Variants in FUT8 observed in about 807,000 individuals in gnomAD.
FUT8 encodes fucosyltransferase 8.
Under a neutral mutation model 71.3 loss-of-function variants are expected in FUT8, and 29 were observed. The observed-to-expected ratio is 0.41, with a 90% CI of 0.30 to 0.55. The LOEUF (loss-of-function observed/expected upper bound fraction) is 0.55. Among genes scored for constraint, FUT8 ranks in the 20% least tolerant of loss-of-function variants. The pLI is 0.34. For missense variants in FUT8, 544 were observed against 702.1 expected, an observed-to-expected ratio of 0.77 and a Z score of 2.55; for synonymous variants, 254 against 239.3, an observed-to-expected ratio of 1.06 and a Z score of -0.57.
In FUT8 at chr14:65,691,404, T is replaced by G. The variant is rs1430458043; in HGVS notation, c.835+21924T>G. 2.0e-5 allele frequency among the ~76,000 whole-genome samples: 3 copies of G among 151,140 alleles called. 1 individual carries two copies. The highest frequency in any genetic ancestry group is 7.4e-5 in the African/African-American group (3 of 40,424). ...CTAGCTGTAGGCTGTTTGTAGATGT[T>G]CTTTCTTGCTGAGAGTTTTTAATCA... is the stretch of plus-strand genomic sequence containing the variant. On this transcript the variant is annotated intron_variant, in intron 7 of 10. Transcript: ENST00000673929.
intron 7 of FUT8, among the ~76,000 whole-genome samples, chr14:65,678,075 T>G (rs1481375626): frequency 6.6e-6 from 1 of 152,224 alleles, no homozygotes; most frequent in Non-Finnish European, 1.5e-5. Flanking sequence ...TTATGAGCAT[T>G]CAGAGTGATA....
chr14:65,622,877 A>G (rs766694537), intron 5 of FUT8, among the ~76,000 whole-genome samples: 5 of 148,688 alleles, frequency 3.4e-5, no homozygotes, highest in Non-Finnish European at 5.9e-5. Flanking sequence ...CCTGGATTCC[A>G]TCTCTGTGCT....
At chr14:65,516,447 G>A (rs1882713052) in intron 2 of FUT8, 1 of 152,124 alleles carries the variant, frequency 6.6e-6, no homozygotes, top group African/African-American at 2.4e-5. Flanking sequence ...CCATCTTTAA[G>A]TGTTTGTGTT....
intron 1 of FUT8, among the ~76,000 whole-genome samples, chr14:65,442,245 G>A (rs1015673030): frequency 3.3e-5 from 5 of 150,682 alleles, no homozygotes; most frequent in Non-Finnish European, 1.5e-5. Context: ...GCGCGATCTC[G>A]GCTCACTGCA....
At chr14:65,469,190 A>AT (rs1276510607) in intron 2 of FUT8, among the ~76,000 whole-genome samples, 2 of 151,730 alleles carry the variant, frequency 1.3e-5, no homozygotes, top group Non-Finnish European at 2.9e-5. Flanking sequence ...ACATATATAT[A>AT]AAAAAAAATT....
chr14:65,693,590 G>C (rs577343981), intron 7 of FUT8, among the ~76,000 whole-genome samples: 1 of 152,340 alleles, frequency 6.6e-6, no homozygotes, highest in African/African-American at 2.4e-5. Flanking sequence ...TGTTAGGTTT[G>C]ATTTGCTAAT....
intron 9 of FUT8, among the ~76,000 whole-genome samples, chr14:65,730,371 C>G (rs1241303721): frequency 6.6e-6 from 1 of 152,128 alleles, no homozygotes; most frequent in African/African-American, 2.4e-5. Flanking sequence ...CTTCAGATTT[C>G]TGCATGTTAA....
At position 65,638,777 on chromosome 14, in the gene FUT8, T is replaced by G. The variant is rs987251431; in HGVS notation, c.597+9171T>G. ...TATTTATGTGCTTGTATACTGACTCTGAGATCAAATTAATCATCACATATT... is the reference window on the plus strand; with the variant it reads ...TATTTATGTGCTTGTATACTGACTCGGAGATCAAATTAATCATCACATATT... On this transcript the variant is annotated intron_variant, in intron 6 of 10. Coordinates refer to ENST00000673929, the MANE Select transcript of FUT8 (RefSeq NM_001371533.1). This position sits in a 1 kb window ranked among gnomAD's most constrained non-coding sequence, Gnocchi z 4.5. Among the ~76,000 whole-genome samples the G allele has an allele frequency of 6.6e-6, 1 of 152,218 alleles. No individual in the cohort carries two copies. The highest frequency in any genetic ancestry group is 1.5e-5 in the Non-Finnish European group (1 of 68,040).
At chr14:65,360,154 G>A in the FUT8 span, among the ~76,000 whole-genome samples, 89 of 152,200 alleles carry the variant, frequency 5.8e-4, no homozygotes, top group African/African-American at 2.0e-3. Flanking sequence ...TTTACCTTAT[G>A]TTGTGGGACT....
chr14:65,486,572 A>G (rs1460489056), intron 2 of FUT8, among the ~76,000 whole-genome samples: 1 of 152,232 alleles, frequency 6.6e-6, no homozygotes, highest in Non-Finnish European at 1.5e-5. Context: ...ACCTAACAAG[A>G]TAGAGGGGGC....
chr14:65,721,793 A>G lies in FUT8; in HGVS notation c.854A>G (p.Asn285Ser). The G allele has an allele frequency of 6.2e-7, 1 of 1,614,190 alleles. No homozygotes were observed. The highest frequency in any genetic ancestry group is 1.6e-4 in the Middle Eastern group (1 of 6,062). ...TTGTCAGGTGAAGTGAAGGACAAAA[A>G]TGTTCAAGTGGTCGAGCTTCCCATT... Reference protein sequence around the residue: ...GHWSGEVKDKNVQVVELPIVD... With the variant: ...GHWSGEVKDKSVQVVELPIVD... Residue 285 changes from asparagine to serine, a missense_variant, in exon 8 of 11, where the codon AAT (asparagine) becomes AGT (serine). Physicochemically the swap from Asn to Ser is conservative, Grantham distance 46. Coordinates refer to ENST00000673929, the MANE Select transcript of FUT8 (RefSeq NM_001371533.1).
At chr14:65,364,353 G>A in the FUT8 span, among the ~76,000 whole-genome samples, 15 of 152,106 alleles carry the variant, frequency 9.9e-5, no homozygotes, top group Non-Finnish European at 2.1e-4. Context: ...ACAGGCACCC[G>A]CCACCATGCC....
At chr14:65,496,380 TA>T (rs1375799830) in intron 2 of FUT8, among the ~76,000 whole-genome samples, 1 of 152,184 alleles carries the variant, frequency 6.6e-6, no homozygotes, top group Admixed American at 6.5e-5. Flanking sequence ...TAGGAACATT[TA>T]TAAGAGTATC....
At chr14:65,409,952 AG>A (rs1485853511), upstream of FUT8, among the ~76,000 whole-genome samples, 3 of 152,180 alleles carry the variant, frequency 2.0e-5, no homozygotes, top group Admixed American at 6.5e-5. The surrounding 1 kb of genome is among the most constrained non-coding windows in gnomAD (Gnocchi z 5.4). Flanking sequence ...TACTTACTTA[AG>A]CAACTATTAC....
chr14:65,674,611 G>T (rs1892622001), intron 7 of FUT8, among the ~76,000 whole-genome samples: 1 of 152,160 alleles, frequency 6.6e-6, no homozygotes, highest in South Asian at 2.1e-4. Flanking sequence ...ATATCTCTAT[G>T]CTTAATAAAC....
chr14:65,421,781 C>T (rs1292544195), intron 1 of FUT8, among the ~76,000 whole-genome samples: 12 of 114,192 alleles, frequency 1.1e-4, no homozygotes, highest in Admixed American at 6.4e-4. Flanking sequence ...CAGTCTTTTT[C>T]GTGATTTCCT....
rs528537358 is a variant in FUT8 at position 65,498,275 on chromosome 14, C to G, written c.-228+42557C>G. On this transcript the variant is annotated intron_variant, in intron 2 of 10. Transcript: ENST00000673929. Reference sequence around the variant, plus strand: ...TCAAGTAAAATCTTACTCAAAGGAACCAATAAATTGCCTCACGTCATAATT... The same window carrying G: ...TCAAGTAAAATCTTACTCAAAGGAAGCAATAAATTGCCTCACGTCATAATT... Among the ~76,000 whole-genome samples the G allele has an allele frequency of 1.3e-3, 196 of 152,194 alleles. 1 individual carries two copies. The highest frequency in any genetic ancestry group is 4.5e-3 in the African/African-American group (187 of 41,520).
In FUT8 at chr14:65,700,381, G is replaced by GTTTTTT. The variant is rs763718984; in HGVS notation, c.836-21372_836-21367dup. On this transcript the variant is annotated intron_variant, in intron 7 of 10. Coordinates refer to ENST00000673929, the MANE Select transcript of FUT8 (RefSeq NM_001371533.1). ...AAACTACTTTCTTTTCTTTCTTTCT[G>GTTTTTT]TTTTTTTTTTTTTTTTTTTTTTTTT... Among the ~76,000 whole-genome samples, 25 of 48,880 alleles carry GTTTTTT rather than the reference G, an allele frequency of 5.1e-4. 6 individuals carry two copies. Among genetic ancestry groups the GTTTTTT allele is most frequent in the African/African-American group, 1.2e-3 (14 of 11,838 alleles). The allele number at this position is 48,880 out of a possible 152,430, so 32.1% of individuals were successfully genotyped here. A position where few individuals can be genotyped will look rare whatever the true frequency, so the allele number is the denominator to read the frequency against.
intron 5 of FUT8, among the ~76,000 whole-genome samples, chr14:65,622,398 A>G (rs1422342988): frequency 6.6e-6 from 1 of 152,254 alleles, no homozygotes; most frequent in Non-Finnish European, 1.5e-5. Flanking sequence ...TTAATACATT[A>G]GGAAAACTTA....
Sources: allele counts gnomAD v4.1 joint callset (sites outside exome capture counted in the v4.1 genomes callset), GRCh38; gene constraint gnomAD v4.1.1; non-coding constraint Gnocchi (gnomAD v3.1); transcripts MANE v1.5; gene names NCBI Gene and HGNC (gene_info 2026-07-23, HGNC 2026-07-21).